SPOCK1: variants seen among roughly 807,000 people sequenced by gnomAD.
SPOCK1 encodes SPARC (osteonectin), cwcv and kazal like domains proteoglycan 1.
SPOCK1 carries 23 observed loss-of-function variants against 55.3 expected under a neutral mutation model. The observed-to-expected ratio is 0.42, with a 90% CI of 0.30 to 0.59. The LOEUF (loss-of-function observed/expected upper bound fraction) is 0.59. Among genes scored for constraint, SPOCK1 ranks in the 20% least tolerant of loss-of-function variants. SPOCK1 has a pLI of 0.22. For synonymous variants in SPOCK1, 226 were observed against 221.0 expected (o/e 1.02, Z -0.20); for missense variants, 499 against 552.5 (o/e 0.90, Z 0.97).
At chr5:137,192,357 A>G (rs1755199324) in intron 3 of SPOCK1, among the ~76,000 whole-genome samples, 1 of 152,154 alleles carries the variant, frequency 6.6e-6, no homozygotes, top group African/African-American at 2.4e-5. Context: ...ACACACATGA[A>G]AGCCTGGCAA....
chr5:137,358,669 T>C (rs1416703290), intron 2 of SPOCK1, among the ~76,000 whole-genome samples: 1 of 152,098 alleles, frequency 6.6e-6, no homozygotes, highest in Non-Finnish European at 1.5e-5. Context: ...ATCCAACAGG[T>C]CTTCAGCAGT....
At chr5:137,309,095 C>CA (rs201176705) in intron 2 of SPOCK1, among the ~76,000 whole-genome samples, 269 of 151,188 alleles carry the variant, frequency 1.8e-3, no homozygotes, top group African/African-American at 5.9e-3. Context: ...AATATCAGAA[C>CA]AAAAAAAAAT....
intron 3 of SPOCK1, among the ~76,000 whole-genome samples, chr5:137,175,711 A>G (rs959487458): frequency 1.3e-5 from 2 of 152,214 alleles, no homozygotes; most frequent in Non-Finnish European, 2.9e-5. Flanking sequence ...TTGTCAAATA[A>G]CAAAGCAACC....
intron 4 of SPOCK1, among the ~76,000 whole-genome samples, chr5:137,126,297 A>G (rs994845504): frequency 3.3e-5 from 5 of 152,202 alleles, no homozygotes; most frequent in African/African-American, 1.2e-4. Flanking sequence ...CCTCATCAGA[A>G]GCAGATGCTG....
intron 2 of SPOCK1, among the ~76,000 whole-genome samples, chr5:137,402,829 C>T (rs1752011170): frequency 6.6e-6 from 1 of 152,186 alleles, no homozygotes; most frequent in African/African-American, 2.4e-5. Context: ...CTACACAGTG[C>T]AGATGAGAGG....
At chr5:137,479,991 C>T (rs1057040818) in intron 2 of SPOCK1, among the ~76,000 whole-genome samples, 3 of 152,040 alleles carry the variant, frequency 2.0e-5, no homozygotes, top group African/African-American at 4.8e-5. Flanking sequence ...GACATTCATC[C>T]CCACTCAGAC....
intron 2 of SPOCK1, among the ~76,000 whole-genome samples, chr5:137,393,202 G>A (rs951786970): frequency 3.3e-5 from 5 of 152,130 alleles, no homozygotes; most frequent in Non-Finnish European, 7.3e-5. Flanking sequence ...CTTCCTGTAT[G>A]TACACTCTTG....
At chr5:137,255,312 G>T (rs1340234184) in intron 3 of SPOCK1, among the ~76,000 whole-genome samples, 1 of 152,172 alleles carries the variant, frequency 6.6e-6, no homozygotes, top group Non-Finnish European at 1.5e-5. Context: ...CACATCATGG[G>T]AACATAGTGC....
At chr5:137,381,127 C>A (rs1449633486) in intron 2 of SPOCK1, among the ~76,000 whole-genome samples, 1 of 152,022 alleles carries the variant, frequency 6.6e-6, no homozygotes, top group East Asian at 1.9e-4. Flanking sequence ...CTGAGCAGGG[C>A]AGTAATTACA....
intron 2 of SPOCK1, among the ~76,000 whole-genome samples, chr5:137,477,401 G>T (rs536208036): frequency 6.6e-6 from 1 of 152,226 alleles, no homozygotes; most frequent in East Asian, 1.9e-4. Flanking sequence ...ATTGTTGTAA[G>T]TGGGACTGGG....
At position 137,180,184 on chromosome 5, in the gene SPOCK1, G is replaced by A. The variant is rs79820149; in HGVS notation, c.233-39490C>T. Reference sequence around the variant, plus strand: ...TAATCATCTCTGTACCTACCTGCACGGCATGGCTGGCCAGGAGCACCAGGC... The same window carrying A: ...TAATCATCTCTGTACCTACCTGCACAGCATGGCTGGCCAGGAGCACCAGGC... On this transcript the variant is annotated intron_variant, in intron 3 of 10. Coordinates refer to ENST00000394945, the MANE Select transcript of SPOCK1 (RefSeq NM_004598.4). 5.2e-3 allele frequency among the ~76,000 whole-genome samples: 793 copies of A among 152,250 alleles called. 5 individuals carry two copies. Among genetic ancestry groups the A allele is most frequent in the Non-Finnish European group, 9.2e-3 (629 of 68,026 alleles).
At position 137,083,703 on chromosome 5, in the gene SPOCK1, G is replaced by A. The variant is rs144972393; in HGVS notation, c.475-15874C>T. On this transcript the variant is annotated intron_variant, in intron 5 of 10. Coordinates refer to ENST00000394945, the MANE Select transcript of SPOCK1 (RefSeq NM_004598.4). ...ACTGAATACTTGCTATGGGAGAGCC[G>A]AAAACTGAATACTTGCTATGTGAGA... is the stretch of plus-strand genomic sequence containing the variant. 1.2e-3 allele frequency among the ~76,000 whole-genome samples: 187 copies of A among 152,154 alleles called. 1 individual carries two copies. Among genetic ancestry groups the A allele is most frequent in the African/African-American group, 4.3e-3 (178 of 41,522 alleles).
chr5:137,408,663 A>AT (rs1217856313), intron 2 of SPOCK1, among the ~76,000 whole-genome samples: 3 of 151,956 alleles, frequency 2.0e-5, no homozygotes, highest in Non-Finnish European at 2.9e-5. Context: ...CATTTACTTT[A>AT]TTTTTTTTAA....
intron 3 of SPOCK1, 66 bp downstream of exon 3, chr5:137,266,944 G>T (rs1458399821): frequency 2.1e-6 from 3 of 1,433,202 alleles, no homozygotes; most frequent in African/African-American, 1.4e-5. Context: ...AACTCAGCAT[G>T]CAAGGAAGGA....
intron 6 of SPOCK1, among the ~76,000 whole-genome samples, chr5:137,049,055 T>C (rs1395811054): frequency 7.1e-6 from 1 of 140,760 alleles, no homozygotes; most frequent in Non-Finnish European, 1.5e-5. Flanking sequence ...CCGACCTTTC[T>C]CTCTGGCTGC....
intron 2 of SPOCK1, among the ~76,000 whole-genome samples, chr5:137,447,139 C>T (rs1237682432): frequency 6.6e-6 from 1 of 152,182 alleles, no homozygotes; most frequent in African/African-American, 2.4e-5. Flanking sequence ...GGAGATAATT[C>T]TTATAAGTAG....
chr5:137,091,418 A>G (rs1753053411), intron 5 of SPOCK1, among the ~76,000 whole-genome samples: 1 of 152,232 alleles, frequency 6.6e-6, no homozygotes, highest in South Asian at 2.1e-4. Context: ...CTTCATCATG[A>G]TATCAATGCC....
intron 2 of SPOCK1, among the ~76,000 whole-genome samples, chr5:137,277,715 T>C (rs1024330174): frequency 6.6e-6 from 1 of 152,162 alleles, no homozygotes; most frequent in Non-Finnish European, 1.5e-5. Context: ...TCTAAGTAAG[T>C]GGACAGCCGG....
chr5:137,131,989 A>AAAAAAAAAAATAT (rs1391176339), intron 4 of SPOCK1, among the ~76,000 whole-genome samples: 14 of 36,050 alleles, frequency 3.9e-4, no homozygotes, highest in African/African-American at 9.2e-4. Context: ...AAAAAAAAAA[A>AAAAAAAAAAATAT]ATATATATAT....
Sources: allele counts gnomAD v4.1 joint callset (sites outside exome capture counted in the v4.1 genomes callset), GRCh38; gene constraint gnomAD v4.1.1; transcripts MANE v1.5; gene names NCBI Gene and HGNC (gene_info 2026-07-23, HGNC 2026-07-21).